The following ADAM23 variants were observed in gnomAD, a reference collection of about 807,000 sequenced individuals.
The protein encoded by ADAM23 is disintegrin and metalloproteinase domain-containing protein 23.
Under a neutral mutation model 120.1 loss-of-function variants are expected in ADAM23, and 33 were observed. The ratio of observed to expected loss-of-function variants is 0.27; its 90% CI spans 0.21 to 0.37. The LOEUF is 0.37. ADAM23 is among the 10% of genes least tolerant of loss of function. The pLI, the probability that ADAM23 is intolerant of heterozygous loss-of-function variation, is 1.00. For missense variants in ADAM23, 862 were observed against 1,058.2 expected (o/e 0.81, Z 2.57); for synonymous variants, 367 against 375.2 (o/e 0.98, Z 0.25).
intron 24 of ADAM23, among the ~76,000 whole-genome samples, chr2:206,597,791 G>A (rs1341169878): frequency 2.0e-5 from 3 of 152,178 alleles, no homozygotes; most frequent in Admixed American, 2.0e-4. Context: ...AGTTTTGGAT[G>A]AAAGTTTATT....
At chr2:206,547,621 C>T (rs1225472744) in intron 7 of ADAM23, 120 bp downstream of exon 7, 11 of 770,632 alleles carry the variant, frequency 1.4e-5, no homozygotes, top group East Asian at 5.5e-5. Flanking sequence ...GGGTGAACAT[C>T]GTGGATCAGC....
At chr2:206,494,641 G>T (rs1696201131) in intron 3 of ADAM23, among the ~76,000 whole-genome samples, 1 of 152,164 alleles carries the variant, frequency 6.6e-6, no homozygotes, top group South Asian at 2.1e-4. Flanking sequence ...CCATTCAGTG[G>T]TTGATATCAA....
At chr2:206,445,793 A>G (rs967988070) in intron 2 of ADAM23, among the ~76,000 whole-genome samples, 4 of 152,236 alleles carry the variant, frequency 2.6e-5, no homozygotes, top group Admixed American at 1.3e-4. Flanking sequence ...GGCACTGAAC[A>G]GTAGTTAAGT....
intron 4 of ADAM23, among the ~76,000 whole-genome samples, chr2:206,539,717 A>G (rs1199500549): frequency 6.6e-6 from 1 of 152,150 alleles, no homozygotes; most frequent in Non-Finnish European, 1.5e-5. Context: ...CTTGGCACCC[A>G]AGATGGATTG....
intron 18 of ADAM23, among the ~76,000 whole-genome samples, chr2:206,578,482 A>G (rs953525344): frequency 2.0e-5 from 3 of 152,264 alleles, no homozygotes. Flanking sequence ...ATCACTTAGA[A>G]TAATAGTCTC....
intron 3 of ADAM23, among the ~76,000 whole-genome samples, chr2:206,504,390 T>G (rs1696453390): frequency 6.6e-6 from 1 of 152,176 alleles, no homozygotes. Flanking sequence ...TTTAATGTGT[T>G]AGAGCCAGAA....
intron 24 of ADAM23, 102 bp downstream of exon 24, chr2:206,596,264 G>A: frequency 2.4e-6 from 2 of 817,118 alleles, no homozygotes; most frequent in South Asian, 3.9e-5. Flanking sequence ...AGACACATAA[G>A]AATATCTGTT....
At chr2:206,567,450 AT>A (rs1321148088) in intron 15 of ADAM23, 128 bp downstream of exon 15, 4 of 628,272 alleles carry the variant, frequency 6.4e-6, no homozygotes, top group Non-Finnish European at 7.7e-6. Flanking sequence ...ATATTTAGTT[AT>A]AAAAGTCCTT....
intron 24 of ADAM23, among the ~76,000 whole-genome samples, chr2:206,600,670 C>G (rs1165640538): frequency 1.3e-5 from 2 of 152,022 alleles, no homozygotes; most frequent in African/African-American, 4.8e-5. Flanking sequence ...GAAATTCAAC[C>G]TCTCCTGTGT....
Position 206,547,772 on chromosome 2 carries a change from T to G in ADAM23, c.793+271T>G, listed in dbSNP as rs924670755. On this transcript the variant is annotated intron_variant, in intron 7 of 25. Transcript: ENST00000264377. ...TTAGTACAGTGATTTACAGTGAGGT[T>G]CATCCTGAAATCTTCCTGGCAGTTT... is the stretch of plus-strand genomic sequence containing the variant. Among the ~76,000 whole-genome samples, 3 of 152,194 alleles carry G rather than the reference T, an allele frequency of 2.0e-5. No homozygotes were observed. In the South Asian group the frequency reaches 6.2e-4, roughly 31 times the overall value.
chr2:206,614,500 C>G (rs887441829), intron 25 of ADAM23, among the ~76,000 whole-genome samples: 2 of 151,896 alleles, frequency 1.3e-5, no homozygotes, highest in Non-Finnish European at 2.9e-5. Flanking sequence ...ACTAAAAATA[C>G]AAAAATTAAC....
intron 3 of ADAM23, among the ~76,000 whole-genome samples, chr2:206,498,843 G>A (rs1696317271): frequency 6.6e-6 from 1 of 152,140 alleles, no homozygotes; most frequent in Non-Finnish European, 1.5e-5. Flanking sequence ...TGAAGGATAT[G>A]AACAGACATT....
At position 206,567,228 on chromosome 2, in the gene ADAM23, C is replaced by G. The variant is rs1697903739; in HGVS notation, c.1400C>G (p.Ser467Cys). 6.2e-7 allele frequency: 1 copy of G among 1,610,744 alleles called. No individual in the cohort carries two copies. The highest frequency in any genetic ancestry group is 1.1e-5 in the South Asian group (1 of 90,704). ...GGCIMEETGV[S>C]HSRKFSKCSI... The stretch of plus-strand genomic sequence containing the variant: ...TTGATTCTTTGTTTCCTCAGGGTGT[C>G]CCATTCTCGAAAATTTTCAAAGTGC... Residue 467 changes from serine to cysteine, a missense_variant, in exon 15 of 26, where the codon TCC becomes TGC. Coordinates refer to ENST00000264377, the MANE Select transcript of ADAM23 (RefSeq NM_003812.4).
At chr2:206,583,410 T>C (rs538696757) in intron 18 of ADAM23, among the ~76,000 whole-genome samples, 20 of 150,140 alleles carry the variant, frequency 1.3e-4, no homozygotes, top group South Asian at 8.4e-4. Context: ...GCCGAGATAG[T>C]GCCACTGCAC....
intron 16 of ADAM23, among the ~76,000 whole-genome samples, chr2:206,571,201 C>T (rs1322973717): frequency 2.0e-5 from 3 of 152,100 alleles, no homozygotes; most frequent in Admixed American, 6.5e-5. Flanking sequence ...CTCGGCCGGG[C>T]GCGGTGGCTG....
Position 206,592,689 on chromosome 2 carries a change from G to A in ADAM23, c.2031G>A (p.Glu677=). The change falls in exon 22 of 26, where the codon GAG becomes GAA. Residue 677 remains glutamate, a synonymous_variant. Transcript: ENST00000264377. ...CACGTATTGGTCAACTTCAGGGTGA[G>A]ATCATTCCAACTTCCTTCTACCATC... The part of the protein sequence containing the change: ...RAPRIGQLQG[E]IIPTSFYHQG... 6.2e-7 allele frequency: 1 copy of A among 1,613,952 alleles called. No individual in the cohort carries two copies. Among genetic ancestry groups the A allele is most frequent in the South Asian group, 1.1e-5 (1 of 91,070 alleles).
rs770992807 is a variant in ADAM23, at chr2:206,559,957, T to G, written c.1008T>G (p.Ile336Met). The change falls in exon 11 of 26, where the codon ATT (isoleucine) becomes ATG (methionine). Residue 336 changes from isoleucine (I) to methionine (M), a missense_variant and splice_region_variant. Transcript: ENST00000264377. ...AKSVVNLVDS[I>M]YKEQLNTRVV... Reference sequence around the variant, plus strand: ...CCTGTCCTGTTGTATACCCTCAGATTTACAAGGAGCAGCTCAACACCAGGG... The same window carrying G: ...CCTGTCCTGTTGTATACCCTCAGATGTACAAGGAGCAGCTCAACACCAGGG... 1.2e-6 allele frequency: 2 copies of G among 1,612,450 alleles called. No homozygotes were observed. The highest frequency in any genetic ancestry group is 2.2e-5 in the South Asian group (2 of 90,798).
At chr2:206,452,737 T>C (rs1043259985) in intron 2 of ADAM23, among the ~76,000 whole-genome samples, 2 of 152,070 alleles carry the variant, frequency 1.3e-5, no homozygotes, top group Non-Finnish European at 2.9e-5. Context: ...GGAAGAGAGC[T>C]CTCCTTCCTG....
At chr2:206,589,006 A>G (rs751487132) in intron 20 of ADAM23, among the ~76,000 whole-genome samples, 18 of 152,228 alleles carry the variant, frequency 1.2e-4, no homozygotes, top group African/African-American at 2.9e-4. Context: ...ATCTCCTAAT[A>G]TTGATATAAA....
Sources: allele counts gnomAD v4.1 joint callset (sites outside exome capture counted in the v4.1 genomes callset), GRCh38; gene constraint gnomAD v4.1.1; transcripts MANE v1.5; gene names NCBI Gene and HGNC (gene_info 2026-07-23, HGNC 2026-07-21).